The following PRKAR1B variants were observed in gnomAD, a reference collection of about 807,000 sequenced individuals.
PRKAR1B encodes cAMP-dependent protein kinase type I-beta regulatory subunit.
A neutral mutation model predicts 46.5 loss-of-function variants in PRKAR1B; 22 were observed. The observed-to-expected ratio is 0.47, with a 90% CI of 0.34 to 0.68. PRKAR1B has a LOEUF of 0.68. PRKAR1B is among the 30% of genes least tolerant of loss of function. The pLI is 0.01. For missense variants in PRKAR1B, 445 were observed against 535.6 expected (o/e 0.83, Z 1.67); for synonymous variants, 259 against 217.7 (o/e 1.19, Z -1.67).
chr7:597,769 G>A (rs1367265111), intron 6 of PRKAR1B, among the ~76,000 whole-genome samples: 2 of 152,110 alleles, frequency 1.3e-5, no homozygotes, highest in Non-Finnish European at 2.9e-5. Context: ...GCCTGCGGGC[G>A]ATGAAGCTGG....
chr7:610,588 C>T (rs183738358), intron 4 of PRKAR1B, among the ~76,000 whole-genome samples: 11 of 152,326 alleles, frequency 7.2e-5, no homozygotes, highest in African/African-American at 2.6e-4. Context: ...ACCAGCTCAT[C>T]GCCGACAAAG....
chr7:696,913 C>G (rs961475489), intron 2 of PRKAR1B: 1 of 152,318 alleles, frequency 6.6e-6, no homozygotes, highest in African/African-American at 2.4e-5. Flanking sequence ...TGACCTCTCA[C>G]GGGCTCTGCC....
intron 2 of PRKAR1B, among the ~76,000 whole-genome samples, chr7:708,599 G>A (rs934194918): frequency 5.3e-5 from 8 of 151,684 alleles, no homozygotes; most frequent in African/African-American, 7.3e-5. Context: ...CAATTCTCCC[G>A]CCTCAGCCTC....
At chr7:665,786 T>C (rs1233640629) in intron 4 of PRKAR1B, among the ~76,000 whole-genome samples, 1 of 152,208 alleles carries the variant, frequency 6.6e-6, no homozygotes, top group Non-Finnish European at 1.5e-5. Flanking sequence ...TCCCTTCAGC[T>C]GCCCGTGAAT....
At chr7:596,954 G>A (rs571774270) in intron 6 of PRKAR1B, among the ~76,000 whole-genome samples, 9 of 152,394 alleles carry the variant, frequency 5.9e-5, no homozygotes, top group Non-Finnish European at 1.0e-4. Flanking sequence ...GCCGAGCTGC[G>A]CCTGGGAAGG....
intron 3 of PRKAR1B, among the ~76,000 whole-genome samples, chr7:680,264 C>T (rs186759124): frequency 6.2e-4 from 94 of 152,154 alleles, no homozygotes; most frequent in African/African-American, 2.2e-3. Context: ...TGGATGCCAG[C>T]GAGTCCCTTC....
At chr7:687,970 C>A (rs1779185619) in intron 2 of PRKAR1B, among the ~76,000 whole-genome samples, 3 of 151,516 alleles carry the variant, frequency 2.0e-5, no homozygotes, top group African/African-American at 4.9e-5. Flanking sequence ...GTGGCAGGCA[C>A]CTGTAATTCC....
chr7:573,345 C>A (rs576832060), intron 9 of PRKAR1B, among the ~76,000 whole-genome samples: 62 of 152,274 alleles, frequency 4.1e-4, no homozygotes, highest in Non-Finnish European at 6.3e-4. Context: ...CCTCCCGACC[C>A]CCACACACTC....
intron 6 of PRKAR1B, among the ~76,000 whole-genome samples, chr7:603,866 C>CACCAGGACCCAGAGTGGAG (rs1781822922): frequency 8.7e-5 from 8 of 91,700 alleles, no homozygotes; most frequent in Admixed American, 1.0e-4. Context: ...CCAGAATGGA[C>CACCAGGACCCAGAGTGGAG]AGGGCGGGGG....
intron 4 of PRKAR1B, among the ~76,000 whole-genome samples, chr7:636,480 C>T (rs1442450470): frequency 6.6e-6 from 1 of 151,908 alleles, no homozygotes; most frequent in Non-Finnish European, 1.5e-5. Flanking sequence ...CTGTGCCCAC[C>T]GGATGCTGGG....
intron 4 of PRKAR1B, among the ~76,000 whole-genome samples, chr7:635,432 G>A (rs10281775): frequency 0.16 from 24,188 of 152,194 alleles, 2,742 homozygotes; most frequent in African/African-American, 0.32. Context: ...CAGAAGGATC[G>A]GAGTGGACGG....
intron 1 of PRKAR1B, among the ~76,000 whole-genome samples, chr7:713,764 T>C (rs1268910168): frequency 6.6e-6 from 1 of 152,206 alleles, no homozygotes; most frequent in African/African-American, 2.4e-5. Flanking sequence ...TCACCAGCCC[T>C]GCCGAGCACA....
At chr7:727,302 G>T (rs983691728), upstream of PRKAR1B, 37 of 1,293,466 alleles carry the variant, frequency 2.9e-5, no homozygotes, top group Non-Finnish European at 3.0e-5. Context: ...CCGCCCTGGC[G>T]CAGGCCACGC....
chr7:629,247 G>A (rs1204067372), intron 4 of PRKAR1B, among the ~76,000 whole-genome samples: 15 of 152,244 alleles, frequency 9.9e-5, no homozygotes, highest in Admixed American at 9.8e-4. Flanking sequence ...AAGCGCGAGG[G>A]CTGGAAAATG....
chr7:658,006 C>G (rs554223983), intron 4 of PRKAR1B, among the ~76,000 whole-genome samples: 1 of 152,094 alleles, frequency 6.6e-6, no homozygotes, highest in Non-Finnish European at 1.5e-5. Flanking sequence ...AATGCAAACC[C>G]GACAAGCAAG....
chr7:563,787 ATGTGTGTACG>A (rs1778964375), intron 9 of PRKAR1B, among the ~76,000 whole-genome samples: 1 of 151,166 alleles, frequency 6.6e-6, no homozygotes, highest in South Asian at 2.1e-4. Flanking sequence ...CTGTATGTAC[ATGTGTGTACG>A]TGTGTGTGCA....
rs564476880 is a variant in PRKAR1B, at chr7:583,786, C to A, written c.769+722G>T. ...CACCCATGCACACTCACGTGTACACCCATGTGCACTCACATGCACACTCAT... is the reference window on the plus strand; with the variant it reads ...CACCCATGCACACTCACGTGTACACACATGTGCACTCACATGCACACTCAT... On this transcript the variant is annotated intron_variant, in intron 8 of 10. Transcript: ENST00000537384. 1.3e-3 allele frequency among the ~76,000 whole-genome samples: 194 copies of A among 146,412 alleles called. 6 individuals carry two copies. The South Asian group carries it at 0.023, about 17-fold the overall frequency.
intron 4 of PRKAR1B, among the ~76,000 whole-genome samples, chr7:615,063 CAAG>C (rs1171589454): frequency 6.7e-6 from 1 of 149,830 alleles, no homozygotes; most frequent in Non-Finnish European, 1.5e-5. Context: ...GGTGACAGAG[CAAG>C]ACCCTGTCTC....
At chr7:726,746 C>T (rs1284577076) in intron 1 of PRKAR1B, 1 of 1,245,810 alleles carries the variant, frequency 8.0e-7, no homozygotes, top group East Asian at 3.1e-5. Context: ...GTGGCGGAGG[C>T]CGTGGCGGCC....
Sources: gnomAD v4.1 joint callset for allele counts (sites outside exome capture counted in the v4.1 genomes callset) on GRCh38, gnomAD v4.1.1 for gene constraint, MANE v1.5 for transcripts, NCBI Gene and HGNC (gene_info 2026-07-23, HGNC 2026-07-21) for gene names.